The following ZNF446 variants were observed in gnomAD, a reference collection of about 807,000 sequenced individuals.
ZNF446 encodes the protein zinc finger protein with KRAB and SCAN domains 20.
Under a neutral mutation model 34.0 loss-of-function variants are expected in ZNF446, and 42 were observed. That is an observed-to-expected ratio of 1.23 (90% CI 0.96 to 1.60). The LOEUF (loss-of-function observed/expected upper bound fraction) is 1.60. ZNF446 is among the 40% of genes most tolerant of loss of function. The pLI, the probability that ZNF446 is intolerant of heterozygous loss-of-function variation, is 0.00. For missense variants in ZNF446, 650 were observed against 600.2 expected (o/e 1.08, Z -0.87); for synonymous variants, 315 against 251.0 (o/e 1.25, Z -2.41).
At chr19:58,485,678 A>T (rs1356873635), downstream of ZNF446, among the ~76,000 whole-genome samples, 4 of 152,244 alleles carry the variant, frequency 2.6e-5, no homozygotes, top group African/African-American at 9.6e-5. Flanking sequence ...AAAAGAAAAC[A>T]GATTTCCACT....
chr19:58,485,456 G>T (rs2053164295), downstream of ZNF446, among the ~76,000 whole-genome samples: 1 of 152,160 alleles, frequency 6.6e-6, no homozygotes, highest in Admixed American at 6.5e-5. Flanking sequence ...ATTGCAGTGA[G>T]CTGAGATCAT....
chr19:58,480,399 C>T lies in ZNF446; in HGVS notation c.1026C>T (p.Asp342=). 6.2e-7 allele frequency: 1 copy of T among 1,612,480 alleles called. No homozygotes were observed. Among genetic ancestry groups the T allele is most frequent in the Non-Finnish European group, 8.5e-7 (1 of 1,179,578 alleles). The change falls in exon 7 of 7, where the codon GAC becomes GAT. Residue 342 remains aspartate (D), a synonymous_variant. Coordinates refer to ENST00000594369, the MANE Select transcript of ZNF446 (RefSeq NM_017908.4). The surrounding 1 kb of genome is among the most constrained non-coding windows in gnomAD (Gnocchi z 7.2). ...GCGAGCAGTGTGGCCGCGGCTTCGA[C>T]TGGAAGTCAGTGTTCGTCATCCACC... ...YTCEQCGRGF[D]WKSVFVIHHR... is the part of the protein sequence containing the mutation.
Position 58,480,697 on chromosome 19 carries a change from C to T in ZNF446, c.1324C>T (p.Arg442Cys), listed in dbSNP as rs780699404. The T allele has an allele frequency of 1.1e-5, 18 of 1,607,720 alleles. No homozygotes were observed. The highest frequency in any genetic ancestry group is 3.3e-5 in the South Asian group (3 of 91,054). The change falls in exon 7 of 7, where the codon CGC becomes TGC. Residue 442 changes from arginine (R) to cysteine (C), a missense_variant. Transcript: ENST00000594369. The surrounding 1 kb of genome is among the most constrained non-coding windows in gnomAD (Gnocchi z 7.2). ...FDWKSQLVIH[R>C]KGHRPEVP ...CTGGAAGTCGCAGCTGGTCATCCAC[C>T]GCAAGGGCCACCGGCCGGAGGTTCC...
downstream of ZNF446, among the ~76,000 whole-genome samples, chr19:58,486,136 C>T (rs557187860): frequency 5.9e-4 from 86 of 146,854 alleles, no homozygotes; most frequent in Non-Finnish European, 8.7e-4. Flanking sequence ...CTCTGTCACC[C>T]AGGCTGGAAT....
Position 58,477,395 on chromosome 19 carries a change from A to C in ZNF446, c.177A>C (p.Ala59=). 3.1e-6 allele frequency: 5 copies of C among 1,613,310 alleles called. No individual in the cohort carries two copies. Among genetic ancestry groups the C allele is most frequent in the Non-Finnish European group, 3.4e-6 (4 of 1,180,002 alleles). Residue 59 remains alanine (A), a synonymous_variant, in exon 2 of 7, where the codon GCA becomes GCC. Transcript: ENST00000594369. ...ELCCQWLQPE[A]HSKEQMLEML... is the part of the protein sequence containing the mutation. ...GTTGCCAGTGGCTGCAGCCTGAGGCACACTCCAAGGAGCAGATGCTGGAGA... is the reference window on the plus strand; with the variant it reads ...GTTGCCAGTGGCTGCAGCCTGAGGCCCACTCCAAGGAGCAGATGCTGGAGA...
chr19:58,478,008 A>G (rs2053104260), intron 3 of ZNF446, 79 bp from the exon 4 acceptor site: 4 of 1,405,828 alleles, frequency 2.8e-6, no homozygotes, highest in Non-Finnish European at 3.9e-6. Context: ...GCCATGTCAC[A>G]CAGCAGAGGA....
In ZNF446 at chr19:58,477,445, G is replaced by A. The variant is rs1216677321; in HGVS notation, c.227G>A (p.Gly76Asp). The change falls in exon 2 of 7, where the codon GGC becomes GAC. Residue 76 changes from glycine to aspartate, a missense_variant. Transcript: ENST00000594369. ...ATGCTGGTGCTGGAGCAGTTCCTGG[G>A]CACACTGCCTCCCGAGATCCAGGCC... ...LEMLVLEQFL[G>D]TLPPEIQAWV... 6.2e-6 allele frequency: 10 copies of A among 1,613,550 alleles called. No individual in the cohort carries two copies. The highest frequency in any genetic ancestry group is 8.5e-6 in the Non-Finnish European group (10 of 1,180,018).
downstream of ZNF446, among the ~76,000 whole-genome samples, chr19:58,485,874 C>A (rs2053166003): frequency 6.6e-6 from 1 of 152,066 alleles, no homozygotes; most frequent in Non-Finnish European, 1.5e-5. Context: ...CCACCACACC[C>A]AGCCTGATAT....
downstream of ZNF446, among the ~76,000 whole-genome samples, chr19:58,485,754 T>G (rs1241458048): frequency 1.3e-5 from 2 of 152,164 alleles, no homozygotes; most frequent in Non-Finnish European, 2.9e-5. Flanking sequence ...TATTAAATTT[T>G]TTTTTGGTAG....
chr19:58,478,088 A>G lies in ZNF446; in HGVS notation c.534A>G (p.Ala178=). The change falls in exon 4 of 7, where the codon GCA becomes GCG. Residue 178 remains alanine, a splice_region_variant and synonymous_variant. Transcript: ENST00000594369. ...CCTTCCATCTGCCCCACTTTTCAGC[A>G]CCCTCCAGCCCTCCACTTGCAGCAC... ...EEPNVDGQEV[A]PSSPPLAAQS... 2 of 1,611,066 alleles carry G rather than the reference A, an allele frequency of 1.2e-6. No individual in the cohort carries two copies. The highest frequency in any genetic ancestry group is 1.7e-6 in the Non-Finnish European group (2 of 1,178,746).
At position 58,477,799 on chromosome 19, in the gene ZNF446, G is replaced by C. The variant is rs1280478581; in HGVS notation, c.505G>C (p.Glu169Gln). 1.9e-6 allele frequency: 3 copies of C among 1,584,168 alleles called. No homozygotes were observed. Among genetic ancestry groups the C allele is most frequent in the Non-Finnish European group, 1.7e-6 (2 of 1,167,378 alleles). The change falls in exon 3 of 7, where the codon GAG (glutamate) becomes CAG (glutamine). Residue 169 changes from glutamate to glutamine, a missense_variant. Transcript: ENST00000594369. ...SVQLSCSVKE[E>Q]PNVDGQEVAP... ...CCAGCTCAGCTGCAGTGTGAAGGAG[G>C]AGCCCAATGTCGATGGACAGGAAGT... is the stretch of plus-strand genomic sequence containing the variant.
At chr19:58,485,510 A>C (rs1172191238), downstream of ZNF446, among the ~76,000 whole-genome samples, 2 of 152,094 alleles carry the variant, frequency 1.3e-5, no homozygotes, top group Non-Finnish European at 2.9e-5. Context: ...ACTCCATCTC[A>C]AAAAAATAAA....
intron 3 of ZNF446, 65 bp from the exon 4 acceptor site, chr19:58,478,019 GCTC>G (rs1280793867): frequency 5.7e-5 from 83 of 1,467,894 alleles, no homozygotes; most frequent in Non-Finnish European, 6.4e-5. Flanking sequence ...CAGCAGAGGA[GCTC>G]CTCATCTGCC....
chr19:58,483,033 T>G (rs1332046775), downstream of ZNF446, among the ~76,000 whole-genome samples: 1 of 152,208 alleles, frequency 6.6e-6, no homozygotes, highest in East Asian at 1.9e-4. Flanking sequence ...GTTCCCTAAT[T>G]CAACTGTCTC....
downstream of ZNF446, among the ~76,000 whole-genome samples, chr19:58,482,449 G>C (rs1022548060): frequency 2.0e-5 from 3 of 152,048 alleles, no homozygotes; most frequent in African/African-American, 7.2e-5. Context: ...TTCCTACTCT[G>C]AAAACAAGGG....
At chr19:58,479,066 G>A (rs970518898) in intron 4 of ZNF446, among the ~76,000 whole-genome samples, 3 of 152,184 alleles carry the variant, frequency 2.0e-5, no homozygotes, top group Admixed American at 6.5e-5. Flanking sequence ...CTCCACTGGG[G>A]AGCTTCAGCA....
At chr19:58,488,829 T>C in the ZNF446 span, among the ~76,000 whole-genome samples, 13 of 129,598 alleles carry the variant, frequency 1.0e-4, no homozygotes, top group African/African-American at 2.5e-4. Context: ...CCAGCCTGGG[T>C]GACAGAGCAA....
intron 5 of ZNF446, 99 bp downstream of exon 5, chr19:58,479,826 C>G: frequency 7.0e-7 from 1 of 1,434,768 alleles, no homozygotes; most frequent in Non-Finnish European, 9.6e-7. Context: ...CCAGCCCTAC[C>G]CAGCTCTCCC....
At chr19:58,482,132 C>T (rs2053144910), downstream of ZNF446, among the ~76,000 whole-genome samples, 1 of 152,164 alleles carries the variant, frequency 6.6e-6, no homozygotes, top group Non-Finnish European at 1.5e-5. Flanking sequence ...CTCTTGAAGG[C>T]TCTAGGAGAG....
Sources: gnomAD v4.1 joint callset for allele counts (sites outside exome capture counted in the v4.1 genomes callset) on GRCh38, gnomAD v4.1.1 for gene constraint, Gnocchi (gnomAD v3.1) non-coding constraint, MANE v1.5 for transcripts, NCBI Gene and HGNC (gene_info 2026-07-23, HGNC 2026-07-21) for gene names.